The following CCDC7 variants were observed in gnomAD, a reference collection of about 807,000 sequenced individuals.
The protein encoded by CCDC7 is coiled-coil domain-containing protein 7.
CCDC7 carries 183 observed loss-of-function variants against 196.9 expected under a neutral mutation model. The ratio of observed to expected loss-of-function variants is 0.93; its 90% CI spans 0.82 to 1.05. The LOEUF is 1.05. Ranked by LOEUF, CCDC7 falls within the 50% of genes least tolerant of loss-of-function variation. The pLI is 0.00. For synonymous variants in CCDC7, 525 were observed against 484.6 expected (o/e 1.08, Z -1.10); for missense variants, 1,540 against 1,482.2 (o/e 1.04, Z -0.64).
intron 20 of CCDC7, among the ~76,000 whole-genome samples, chr10:32,656,729 C>A (rs1417352072): frequency 6.6e-6 from 1 of 152,178 alleles, no homozygotes; most frequent in Non-Finnish European, 1.5e-5. Flanking sequence ...CGGCCCCTCC[C>A]AAATCTCATG....
chr10:32,770,337 A>C (rs562972468), intron 28 of CCDC7, among the ~76,000 whole-genome samples: 1 of 152,158 alleles, frequency 6.6e-6, no homozygotes, highest in East Asian at 1.9e-4. Flanking sequence ...TGTTTCAGAA[A>C]ATTTTTAAAT....
chr10:32,839,286 C>T (rs535520163), intron 33 of CCDC7, among the ~76,000 whole-genome samples: 1 of 151,812 alleles, frequency 6.6e-6, no homozygotes, highest in South Asian at 2.1e-4. Context: ...TAAAGACTCA[C>T]ATAAACTTAA....
chr10:32,446,238 TG>T (rs1178275827), exon 1 of CCDC7: 7 of 152,260 alleles, frequency 4.6e-5, no homozygotes, highest in African/African-American at 1.7e-4. Context: ...AACGTCAGTT[TG>T]TAAAAGGGAG....
At chr10:32,556,585 A>G (rs892208494) in intron 13 of CCDC7, among the ~76,000 whole-genome samples, 2 of 152,170 alleles carry the variant, frequency 1.3e-5, no homozygotes, top group South Asian at 2.1e-4. Context: ...TAAGTCTTCT[A>G]TCTTTTTCAT....
chr10:32,742,173 A>G (rs191779374), intron 28 of CCDC7, among the ~76,000 whole-genome samples: 2 of 152,222 alleles, frequency 1.3e-5, no homozygotes, highest in East Asian at 3.9e-4. Context: ...TTCCATTTTT[A>G]TAAAATTTAT....
intron 24 of CCDC7, among the ~76,000 whole-genome samples, chr10:32,696,975 AG>A (rs1386988240): frequency 1.3e-5 from 2 of 152,128 alleles, no homozygotes; most frequent in Non-Finnish European, 2.9e-5. Context: ...TGCATGGACC[AG>A]GGCTGAGGTG....
At chr10:32,752,257 A>C (rs753680254) in intron 28 of CCDC7, among the ~76,000 whole-genome samples, 2 of 152,158 alleles carry the variant, frequency 1.3e-5, no homozygotes, top group Admixed American at 1.3e-4. Context: ...GAGAGCTAAC[A>C]CTATGGTAAA....
chr10:32,879,314 C>T (rs908008976), downstream of CCDC7, among the ~76,000 whole-genome samples: 1 of 152,134 alleles, frequency 6.6e-6, no homozygotes, highest in Admixed American at 6.5e-5. Context: ...AAATTCCATA[C>T]AGTATCTGCT....
At chr10:32,688,916 A>G in intron 22 of CCDC7, 137 bp from the exon 24 acceptor site, 2 of 628,606 alleles carry the variant, frequency 3.2e-6, no homozygotes, top group South Asian at 3.7e-5. Context: ...TTCATAGTAG[A>G]TATAGCATTA....
At chr10:32,746,066 C>T (rs2074670143) in intron 28 of CCDC7, among the ~76,000 whole-genome samples, 1 of 152,142 alleles carries the variant, frequency 6.6e-6, no homozygotes, top group African/African-American at 2.4e-5. Flanking sequence ...CCCAAGATGG[C>T]TGACCAGACA....
chr10:32,474,184 A>AAGATACGT (rs2038505485), intron 8 of CCDC7, 161 bp downstream of exon 9: 1 of 320,988 alleles, frequency 3.1e-6, no homozygotes, highest in East Asian at 6.7e-5. Context: ...TTCTTAGTTA[A>AAGATACGT]GGATACGTGT....
chr10:32,462,581 C>T (rs1322433498), intron 3 of CCDC7, 102 bp from the exon 5 acceptor site: 6 of 951,756 alleles, frequency 6.3e-6, no homozygotes, highest in Non-Finnish European at 8.9e-6. Flanking sequence ...ATACTTAGTA[C>T]ATTTTTGTGA....
intron 18 of CCDC7, among the ~76,000 whole-genome samples, chr10:32,585,240 A>AT (rs2059146226): frequency 1.3e-5 from 2 of 151,926 alleles, no homozygotes; most frequent in African/African-American, 4.8e-5. Flanking sequence ...TGCCCAGCTA[A>AT]TTTTTTATAT....
downstream of CCDC7, among the ~76,000 whole-genome samples, chr10:32,878,778 CAG>C (rs2094683455): frequency 6.6e-6 from 1 of 152,108 alleles, no homozygotes; most frequent in South Asian, 2.1e-4. Flanking sequence ...TGAATGACAA[CAG>C]GGAGTATTTC....
At chr10:32,699,468 G>T (rs1374942644) in intron 24 of CCDC7, among the ~76,000 whole-genome samples, 1 of 150,012 alleles carries the variant, frequency 6.7e-6, no homozygotes, top group African/African-American at 2.5e-5. Flanking sequence ...GGACATCTGG[G>T]TTGGTTCCAA....
At chr10:32,563,801 G>A (rs1232319582) in intron 13 of CCDC7, among the ~76,000 whole-genome samples, 2 of 151,892 alleles carry the variant, frequency 1.3e-5, no homozygotes, top group African/African-American at 4.8e-5. Context: ...TTGACAAATG[G>A]GATCTAATTA....
At chr10:32,614,796 A>C (rs1157706071) in intron 18 of CCDC7, among the ~76,000 whole-genome samples, 6 of 152,114 alleles carry the variant, frequency 3.9e-5, no homozygotes, top group Admixed American at 3.9e-4. Context: ...GGGGCCAAGG[A>C]GTTTGATCTA....
intron 41 of CCDC7, among the ~76,000 whole-genome samples, chr10:32,860,945 T>C (rs2093957315): frequency 6.6e-6 from 1 of 152,102 alleles, no homozygotes; most frequent in African/African-American, 2.4e-5. Flanking sequence ...TCCATGGTCA[T>C]GGATAGGAAG....
Position 32,746,629 on chromosome 10 carries a change from C to G in CCDC7, c.2905+17172C>G, listed in dbSNP as rs148263219. 7.5e-3 allele frequency among the ~76,000 whole-genome samples: 1,140 copies of G among 152,316 alleles called. 15 individuals are homozygous for G. The highest frequency in any genetic ancestry group is 0.026 in the African/African-American group (1,086 of 41,556). ...AGCCTCTCCTGGGGTCCCTGCCTGGCTATGTCTACTTGCAACACAGTCTCC... is the reference window on the plus strand; with the variant it reads ...AGCCTCTCCTGGGGTCCCTGCCTGGGTATGTCTACTTGCAACACAGTCTCC... On this transcript the variant is annotated intron_variant, in intron 28 of 41. Transcript: ENST00000639629.
Sources: allele counts gnomAD v4.1 joint callset (sites outside exome capture counted in the v4.1 genomes callset), GRCh38; gene constraint gnomAD v4.1.1; transcripts MANE v1.5; gene names NCBI Gene and HGNC (gene_info 2026-07-23, HGNC 2026-07-21).